The following FBXO27 variants were observed in gnomAD, a reference collection of about 807,000 sequenced individuals.
FBXO27 encodes the protein F-box only protein 27.
FBXO27 carries 28 observed loss-of-function variants against 28.3 expected under a neutral mutation model. The ratio of observed to expected loss-of-function variants is 0.99; its 90% CI spans 0.73 to 1.36. The LOEUF (loss-of-function observed/expected upper bound fraction) is 1.36, where lower values mean the gene tolerates loss of function less well. FBXO27 is among the 40% of genes most tolerant of loss of function. FBXO27 has a pLI of 0.00. For synonymous variants in FBXO27, 175 were observed against 167.3 expected (o/e 1.05, Z -0.36); for missense variants, 388 against 394.1 (o/e 0.98, Z 0.13).
intron 1 of FBXO27, among the ~76,000 whole-genome samples, chr19:39,016,059 G>A (rs1600223879): frequency 6.6e-6 from 1 of 152,116 alleles, no homozygotes; most frequent in Admixed American, 6.6e-5. Context: ...GTGACAGAGT[G>A]AGACTCCATC....
At chr19:39,012,811 T>G (rs2072802075) in intron 2 of FBXO27, among the ~76,000 whole-genome samples, 1 of 151,614 alleles carries the variant, frequency 6.6e-6, no homozygotes, top group Non-Finnish European at 1.5e-5. Context: ...AATACAAAAA[T>G]TAGCCAGACG....
chr19:39,027,095 G>T, intron 4 of FBXO27, 90 bp from the exon 5 acceptor site: 2 of 1,519,356 alleles, frequency 1.3e-6, no homozygotes, highest in Non-Finnish European at 1.8e-6. Flanking sequence ...TCCCATGTGT[G>T]CAAATCCAGT....
At position 39,026,578 on chromosome 19, in the gene FBXO27, G is replaced by A. The variant is rs187515120; in HGVS notation, c.708+292C>T. ...CAACTTCTGCCTCCCAGATTCAAAC[G>A]ATTGCCTGCCTCAGCTTCCCGAGTA... On this transcript the variant is annotated intron_variant, in intron 5 of 5. Coordinates refer to ENST00000292853, the MANE Select transcript of FBXO27 (RefSeq NM_178820.5). 1.0e-2 allele frequency among the ~76,000 whole-genome samples: 1,516 copies of A among 151,990 alleles called. 28 individuals carry two copies. The highest frequency in any genetic ancestry group is 0.035 in the African/African-American group (1,441 of 41,504).
chr19:39,029,935 G>A lies in FBXO27; in HGVS notation c.572+1094C>T, dbSNP rs377249781. Among the ~76,000 whole-genome samples, 193 of 152,170 alleles carry A rather than the reference G, an allele frequency of 1.3e-3. 5 individuals are homozygous for A. In the East Asian group the frequency reaches 0.03, roughly 24 times the overall value. On this transcript the variant is annotated intron_variant, in intron 4 of 5. Coordinates refer to ENST00000292853, the MANE Select transcript of FBXO27 (RefSeq NM_178820.5). Reference sequence around the variant, plus strand: ...CAGCTCACTGCAACCTCCACTTCCCGGGTTCAAGTGATTCTCCTGCCTCAG... The same window carrying A: ...CAGCTCACTGCAACCTCCACTTCCCAGGTTCAAGTGATTCTCCTGCCTCAG...
At chr19:39,027,090 T>A in intron 4 of FBXO27, 85 bp from the exon 5 acceptor site, 1 of 1,544,724 alleles carries the variant, frequency 6.5e-7, no homozygotes, top group South Asian at 1.2e-5. Flanking sequence ...GCCCTTCCCA[T>A]GTGTGCAAAT....
intron 2 of FBXO27, among the ~76,000 whole-genome samples, chr19:39,005,856 G>T (rs1229343732): frequency 1.3e-5 from 2 of 152,284 alleles, no homozygotes; most frequent in African/African-American, 4.8e-5. Flanking sequence ...TGAAGAATGG[G>T]ATATTTACAG....
intron 5 of FBXO27, 39 bp downstream of exon 5, chr19:39,026,831 C>A (rs773943991): frequency 6.2e-7 from 1 of 1,612,104 alleles, no homozygotes; most frequent in South Asian, 1.1e-5. Context: ...AGCAATAGGC[C>A]CCCAGCATCC....
chr19:39,021,977 C>G (rs1459263899), downstream of FBXO27, among the ~76,000 whole-genome samples: 1 of 151,602 alleles, frequency 6.6e-6, no homozygotes, highest in Non-Finnish European at 1.5e-5. Flanking sequence ...AGATTTTTAA[C>G]AGCAAGGAAG....
At chr19:39,014,593 G>A (rs10423545) in intron 1 of FBXO27, 2 of 152,884 alleles carry the variant, frequency 1.3e-5, no homozygotes, top group African/African-American at 4.8e-5. Flanking sequence ...GGGCGTGGAG[G>A]TGGGCACCTG....
At chr19:39,028,412 AT>A (rs1233758948) in intron 4 of FBXO27, among the ~76,000 whole-genome samples, 1 of 151,892 alleles carries the variant, frequency 6.6e-6, no homozygotes, top group African/African-American at 2.4e-5. Flanking sequence ...CAACACAAAT[AT>A]GTTACATAGT....
At chr19:39,029,054 A>T (rs2072888240) in intron 4 of FBXO27, among the ~76,000 whole-genome samples, 1 of 151,504 alleles carries the variant, frequency 6.6e-6, no homozygotes, top group Non-Finnish European at 1.5e-5. Context: ...AAAAAAAAAA[A>T]AAAAAAAAAA....
At chr19:39,006,580 GA>G (rs971947811) in intron 2 of FBXO27, among the ~76,000 whole-genome samples, 4 of 151,042 alleles carry the variant, frequency 2.6e-5, no homozygotes, top group African/African-American at 7.3e-5. Flanking sequence ...AAAGAAAAAA[GA>G]AAAAAAAGCA....
chr19:39,009,322 T>C (rs1016570668), intron 2 of FBXO27, among the ~76,000 whole-genome samples: 1 of 152,224 alleles, frequency 6.6e-6, no homozygotes, highest in African/African-American at 2.4e-5. Flanking sequence ...GGAATTGCTA[T>C]GTCATGCAGT....
chr19:39,023,859 C>T (rs951197106), downstream of FBXO27, among the ~76,000 whole-genome samples: 2 of 152,114 alleles, frequency 1.3e-5, no homozygotes, highest in Non-Finnish European at 2.9e-5. Flanking sequence ...AAGTGATCCG[C>T]CCACCTCGGC....
chr19:39,025,562 C>T lies in FBXO27; in HGVS notation c.709-8G>A, dbSNP rs1265390847. On this transcript the variant is annotated splice_region_variant and splice_polypyrimidine_tract_variant and intron_variant, in intron 5 of 5. Transcript: ENST00000292853. ...GGAGAACACGTGGGTGACCTGTAGGCAGAGGAGGGGCTCAGCTCCATTGTG... is the reference window on the plus strand; with the variant it reads ...GGAGAACACGTGGGTGACCTGTAGGTAGAGGAGGGGCTCAGCTCCATTGTG... The T allele has an allele frequency of 6.2e-7, 1 of 1,611,504 alleles. No individual in the cohort carries two copies. The highest frequency in any genetic ancestry group is 1.1e-5 in the South Asian group (1 of 90,598).
downstream of FBXO27, among the ~76,000 whole-genome samples, chr19:39,019,958 G>T (rs188772049): frequency 6.6e-6 from 1 of 152,022 alleles, no homozygotes; most frequent in East Asian, 1.9e-4. Context: ...TCACCATGTT[G>T]GCCAGGCTGA....
At chr19:39,023,303 A>ACT (rs1256054814), downstream of FBXO27, among the ~76,000 whole-genome samples, 1 of 152,196 alleles carries the variant, frequency 6.6e-6, no homozygotes, top group Non-Finnish European at 1.5e-5. Context: ...TGGAGGGCCA[A>ACT]CTGTGTATGT....
intron 1 of FBXO27, among the ~76,000 whole-genome samples, chr19:39,017,312 C>T (rs776958998): frequency 6.6e-6 from 1 of 152,154 alleles, no homozygotes. Flanking sequence ...GTTTTATACA[C>T]ACACAATGAT....
intron 1 of FBXO27, among the ~76,000 whole-genome samples, chr19:39,015,447 A>C (rs962621830): frequency 1.3e-5 from 2 of 150,696 alleles, no homozygotes; most frequent in East Asian, 4.0e-4. Context: ...CCTGGGCAAC[A>C]AAGCAAGACC....
Sources: allele counts gnomAD v4.1 joint callset (sites outside exome capture counted in the v4.1 genomes callset), GRCh38; gene constraint gnomAD v4.1.1; transcripts MANE v1.5; gene names NCBI Gene and HGNC (gene_info 2026-07-23, HGNC 2026-07-21).